Variants in PHC3 observed in about 807,000 individuals in gnomAD.
The protein encoded by PHC3 is polyhomeotic-like protein 3.
A neutral mutation model predicts 107.4 loss-of-function variants in PHC3; 13 were observed. That is an observed-to-expected ratio of 0.12 (90% CI 0.08 to 0.19). PHC3 has a LOEUF of 0.19. PHC3 is among the 10% of genes least tolerant of loss of function. The probability of loss-of-function intolerance (pLI) is 1.00; values close to 1 mark genes in which losing one functional copy is unlikely to be tolerated. For missense variants in PHC3, 992 were observed against 1,210.9 expected (o/e 0.82, Z 2.68); for synonymous variants, 456 against 427.4 (o/e 1.07, Z -0.83).
At chr3:170,163,767 G>A (rs188992166) in intron 4 of PHC3, among the ~76,000 whole-genome samples, 154 of 150,466 alleles carry the variant, frequency 1.0e-3, no homozygotes, top group Admixed American at 3.9e-3. Flanking sequence ...GGAGGCTGAC[G>A]CACGAGAATC....
chr3:170,171,502 C>A, intron 3 of PHC3, 52 bp from the exon 4 acceptor site: 1 of 1,277,176 alleles, frequency 7.8e-7, no homozygotes, highest in East Asian at 2.5e-5. Flanking sequence ...AAGTTAAGAA[C>A]TTTCTGGTAC....
chr3:170,089,914 CAAAAAAA>C lies in PHC3; in HGVS notation c.*7309_*7315del, dbSNP rs1178846219. 2.3e-5 allele frequency: 1 copy of C among 43,620 alleles called. No homozygotes were observed. The highest frequency in any genetic ancestry group is 5.3e-5 in the Non-Finnish European group (1 of 19,012). 2.7% of individuals were successfully genotyped at this position (43,620 alleles called of 1,614,324 possible). Reference sequence around the variant, plus strand: ...CCTGGGCAACAGAGCGAACCCATCTCAAAAAAAAAAAAAAGAAAAAAAAAAAAAAAGA... The same window carrying C: ...CCTGGGCAACAGAGCGAACCCATCTCAAAAAAAGAAAAAAAAAAAAAAAGA... On this transcript the variant is annotated 3_prime_UTR_variant, in exon 15 of 15. Coordinates refer to ENST00000495893, the MANE Select transcript of PHC3 (RefSeq NM_024947.4).
rs750527990 is a variant in PHC3 at position 170,117,342 on chromosome 3, T to C, written c.2077A>G (p.Met693Val). The change falls in exon 10 of 15, where the codon ATG (methionine) becomes GTG (valine). Residue 693 changes from methionine to valine, a missense_variant. Around this residue, in one of 6 missense-constraint regions of PHC3, gnomAD observed 543 missense variants for 590.8 expected, o/e 0.92. Coordinates refer to ENST00000495893, the MANE Select transcript of PHC3 (RefSeq NM_024947.4). ...AATTRSNSTS[M>V]HSSIPSIENK... is the part of the protein sequence containing the mutation. ...TCTATACTGGGAATGCTACTGTGCA[T>C]AGATGTACTGTTACTCCTTGTGGTG... The C allele has an allele frequency of 5.0e-5, 81 of 1,613,806 alleles. No homozygotes were observed. Among genetic ancestry groups the C allele is most frequent in the East Asian group, 6.7e-5 (3 of 44,862 alleles).
chr3:170,147,325 T>G (rs1276846202), intron 5 of PHC3: 1 of 152,070 alleles, frequency 6.6e-6, no homozygotes, highest in Non-Finnish European at 1.5e-5. Flanking sequence ...ATTAAAATGT[T>G]CAACCAAATG....
At chr3:170,117,047 G>C (rs1429402511) in intron 10 of PHC3, 179 bp downstream of exon 10, 3 of 764,622 alleles carry the variant, frequency 3.9e-6, no homozygotes, top group Non-Finnish European at 4.0e-6. Context: ...AACTTAGCTG[G>C]CATAAAATTC....
At chr3:170,134,297 C>T (rs1172085281) in intron 7 of PHC3, among the ~76,000 whole-genome samples, 1 of 151,984 alleles carries the variant, frequency 6.6e-6, no homozygotes, top group African/African-American at 2.4e-5. Flanking sequence ...TCAAGTAATT[C>T]TCCTGCCTCA....
chr3:170,137,925 G>A (rs1723380286), intron 6 of PHC3, among the ~76,000 whole-genome samples: 1 of 152,102 alleles, frequency 6.6e-6, no homozygotes, highest in African/African-American at 2.4e-5. Flanking sequence ...TCTCAGGCTG[G>A]GTGTGGTGCC....
chr3:170,163,226 T>A (rs1403559946), intron 4 of PHC3, among the ~76,000 whole-genome samples: 1 of 152,054 alleles, frequency 6.6e-6, no homozygotes, highest in African/African-American at 2.4e-5. Context: ...CAAAAGCTCA[T>A]CTTGTCTAGC....
chr3:170,118,935 A>G (rs1230642005), intron 9 of PHC3, among the ~76,000 whole-genome samples: 4 of 151,714 alleles, frequency 2.6e-5, no homozygotes, highest in Admixed American at 2.6e-4. Context: ...CACAGCAGTT[A>G]TATCCATAAA....
chr3:170,108,222 A>G (rs756425617), intron 11 of PHC3, among the ~76,000 whole-genome samples: 17 of 152,200 alleles, frequency 1.1e-4, no homozygotes, highest in African/African-American at 2.4e-4. Context: ...TGTGAACTCC[A>G]TATGTGTGCT....
intron 7 of PHC3, among the ~76,000 whole-genome samples, chr3:170,133,595 T>C (rs1338861658): frequency 1.3e-5 from 2 of 152,234 alleles, no homozygotes; most frequent in African/African-American, 4.8e-5. Flanking sequence ...AAGAAACTTT[T>C]AAGTAGTTCA....
At chr3:170,179,696 C>G (rs1320190419) in intron 1 of PHC3, among the ~76,000 whole-genome samples, 1 of 152,182 alleles carries the variant, frequency 6.6e-6, no homozygotes, top group African/African-American at 2.4e-5. Flanking sequence ...CACTTTTATA[C>G]CAGACTTTCT....
At chr3:170,122,448 A>C (rs1720528872) in intron 9 of PHC3, 143 bp downstream of exon 9, 1 of 823,898 alleles carries the variant, frequency 1.2e-6, no homozygotes, top group Non-Finnish European at 1.9e-6. Context: ...CATAAAAAAT[A>C]AAAAATCAGC....
rs1406636070 is a variant in PHC3, at chr3:170,178,660, T to G, written c.180+113A>C. 4.3e-6 allele frequency: 5 copies of G among 1,161,952 alleles called. No individual in the cohort carries two copies. The East Asian group carries it at 9.4e-5, about 22-fold the overall frequency. 72.0% of individuals were successfully genotyped at this position (1,161,952 alleles called of 1,614,324 possible). A position where few individuals can be genotyped will look rare whatever the true frequency, so the allele number is the denominator to read the frequency against. ...TGGATTGAGACAGTTGATTGAAACA[T>G]TAGTAATTCTAACTGTACATTTGAG... On this transcript the variant is annotated intron_variant, in intron 2 of 14. Coordinates refer to ENST00000495893, the MANE Select transcript of PHC3 (RefSeq NM_024947.4).
intron 1 of PHC3, among the ~76,000 whole-genome samples, chr3:170,181,281 G>A (rs1013089840): frequency 6.6e-6 from 1 of 152,154 alleles, no homozygotes; most frequent in African/African-American, 2.4e-5. Context: ...AGAAGGCGAA[G>A]GAGGCCTGGC....
chr3:170,125,530 T>C (rs1560057515), intron 8 of PHC3, among the ~76,000 whole-genome samples: 1 of 152,366 alleles, frequency 6.6e-6, no homozygotes, highest in South Asian at 2.1e-4. Flanking sequence ...TGCAGTTACA[T>C]GTTATTCAAA....
Position 170,122,719 on chromosome 3 carries a change from T to A in PHC3, c.1814A>T (p.Glu605Val), listed in dbSNP as rs376768338. 2.5e-6 allele frequency: 4 copies of A among 1,613,862 alleles called. No individual in the cohort carries two copies. Among genetic ancestry groups the A allele is most frequent in the Non-Finnish European group, 3.4e-6 (4 of 1,179,886 alleles). ...PVVYQVEDVC[E>V]EEMPEESDEC... ...ATCTGACTCTTCTGGCATTTCTTCT[T>A]CACACACATCTTCTACCTGATAAAC... Residue 605 changes from glutamate (E) to valine (V), a missense_variant, in exon 9 of 15, where the codon GAA (glutamate) becomes GTA (valine). Physicochemically the swap from Glu to Val is moderately radical, Grantham distance 121. Around this residue, in one of 6 missense-constraint regions of PHC3, gnomAD observed 543 missense variants for 590.8 expected, o/e 0.92. Coordinates refer to ENST00000495893, the MANE Select transcript of PHC3 (RefSeq NM_024947.4).
chr3:170,150,008 T>C (rs981005776), intron 4 of PHC3: 2 of 152,214 alleles, frequency 1.3e-5, no homozygotes, highest in Non-Finnish European at 2.9e-5. Flanking sequence ...TTTGAGATGA[T>C]GGATATGCCA....
Position 170,120,943 on chromosome 3 carries a change from T to C in PHC3, c.1942+1648A>G, listed in dbSNP as rs78523835. 7.2e-5 allele frequency among the ~76,000 whole-genome samples: 11 copies of C among 152,296 alleles called. No homozygotes were observed. The East Asian group carries it at 2.1e-3, about 29-fold the overall frequency. ...GGAACCAAGATTAGTATTATTCAGA[T>C]CAGGGGTCAGCAAACTTTCCATAAA... On this transcript the variant is annotated intron_variant, in intron 9 of 14. Transcript: ENST00000495893.
Sources: gnomAD v4.1 joint callset for allele counts (sites outside exome capture counted in the v4.1 genomes callset) on GRCh38, gnomAD v4.1.1 for gene constraint, gnomAD v4.1.1 regional missense constraint, MANE v1.5 for transcripts, NCBI Gene and HGNC (gene_info 2026-07-23, HGNC 2026-07-21) for gene names.